Variants in PLOD2 observed in about 807,000 individuals in gnomAD.
The protein encoded by PLOD2 is procollagen-lysine,2-oxoglutarate 5-dioxygenase 2, also known as lysine hydroxylase 2.
Under a neutral mutation model 101.0 loss-of-function variants are expected in PLOD2, and 65 were observed. That is an observed-to-expected ratio of 0.64 (90% CI 0.53 to 0.79). PLOD2 has a LOEUF of 0.79. Ranked by LOEUF, PLOD2 falls within the 30% of genes least tolerant of loss-of-function variation. The pLI is 0.00. For synonymous variants in PLOD2, 314 were observed against 302.9 expected, an observed-to-expected ratio of 1.04 and a Z score of -0.38; for missense variants, 909 against 914.6, an observed-to-expected ratio of 0.99 and a Z score of 0.08.
chr3:146,081,840 G>A lies in PLOD2; in HGVS notation c.1256C>T (p.Thr419Ile). ...QNRKIIAPLV[T>I]RHGKLWSNFW... ...ATTGGACCACAGCTTTCCATGACGAGTTACAAGAGGAGCAATGATCTTTCT... is the reference window on the plus strand; with the variant it reads ...ATTGGACCACAGCTTTCCATGACGAATTACAAGAGGAGCAATGATCTTTCT... The change falls in exon 12 of 20, where the codon ACT (threonine) becomes ATT (isoleucine). Residue 419 changes from threonine (T) to isoleucine (I), a missense_variant. Coordinates refer to ENST00000282903, the MANE Select transcript of PLOD2 (RefSeq NM_182943.3). 1 of 1,612,454 alleles carries A rather than the reference G, an allele frequency of 6.2e-7. No individual in the cohort carries two copies. The highest frequency in any genetic ancestry group is 2.2e-5 in the East Asian group (1 of 44,762).
chr3:146,075,167 T>G (rs1936285942), intron 15 of PLOD2, among the ~76,000 whole-genome samples: 1 of 151,580 alleles, frequency 6.6e-6, no homozygotes, highest in Non-Finnish European at 1.5e-5. Context: ...GGAAGGTATG[T>G]GGTTAAAATG....
In PLOD2 at chr3:146,102,825, C is replaced by T. The variant is rs1470409644; in HGVS notation, c.707G>A (p.Gly236Asp). The T allele has an allele frequency of 6.2e-7, 1 of 1,602,350 alleles. No homozygotes were observed. Among genetic ancestry groups the T allele is most frequent in the South Asian group, 1.1e-5 (1 of 90,838 alleles). ...VDEVVLKFENGKARAKNTFYE... is the reference protein window; with the variant it reads ...VDEVVLKFENDKARAKNTFYE... Reference sequence around the variant, plus strand: ...AAATGTATTCTTAGCTCTGGCTTTGCCATTTTCAAATTTTAAAACAACTTC... The same window carrying T: ...AAATGTATTCTTAGCTCTGGCTTTGTCATTTTCAAATTTTAAAACAACTTC... Residue 236 changes from glycine (G) to aspartate (D), a missense_variant, in exon 7 of 20, where the codon GGC (glycine) becomes GAC (aspartate). Transcript: ENST00000282903.
intron 3 of PLOD2, among the ~76,000 whole-genome samples, chr3:146,114,380 C>T (rs998114540): frequency 3.9e-5 from 6 of 151,966 alleles, no homozygotes; most frequent in Admixed American, 1.3e-4. Flanking sequence ...CTTATAGCAG[C>T]GTGAAAATGG....
chr3:146,083,424 A>G (rs549774038), intron 11 of PLOD2, among the ~76,000 whole-genome samples: 24 of 152,314 alleles, frequency 1.6e-4, no homozygotes, highest in African/African-American at 5.8e-4. Context: ...ATATGTCAAT[A>G]GACTATAGAA....
At chr3:146,155,455 G>T (rs2032258668) in intron 1 of PLOD2, among the ~76,000 whole-genome samples, 1 of 151,968 alleles carries the variant, frequency 6.6e-6, no homozygotes, top group South Asian at 2.1e-4. Flanking sequence ...GCTCACACCT[G>T]CAATCCCAGC....
chr3:146,120,289 T>A (rs1359185685), intron 3 of PLOD2, among the ~76,000 whole-genome samples: 1 of 152,194 alleles, frequency 6.6e-6, no homozygotes, highest in East Asian at 1.9e-4. Context: ...TTGATGGCCC[T>A]ATTTGTTTTT....
At chr3:146,072,264 C>T (rs1196400206) in intron 17 of PLOD2, among the ~76,000 whole-genome samples, 1 of 110,934 alleles carries the variant, frequency 9.0e-6, no homozygotes, top group Non-Finnish European at 2.0e-5. Flanking sequence ...AGTGACATCA[C>T]TCTGTAAAGA....
chr3:146,117,230 A>G (rs1036051402), intron 3 of PLOD2, among the ~76,000 whole-genome samples: 3 of 152,182 alleles, frequency 2.0e-5, no homozygotes, highest in South Asian at 2.1e-4. Context: ...TGCTTCCATA[A>G]AACAGTTGAG....
intron 8 of PLOD2, among the ~76,000 whole-genome samples, chr3:146,089,478 T>A (rs983302890): frequency 6.6e-6 from 1 of 151,608 alleles, no homozygotes; most frequent in Non-Finnish European, 1.5e-5. Flanking sequence ...AACAGTGTCA[T>A]GACCAGAAAT....
chr3:146,098,691 C>T (rs978883395), intron 7 of PLOD2, among the ~76,000 whole-genome samples: 3 of 152,044 alleles, frequency 2.0e-5, no homozygotes, highest in Non-Finnish European at 2.9e-5. Flanking sequence ...GTATCATCAA[C>T]ATACTATAAT....
At chr3:146,092,660 T>A (rs1212041944) in intron 7 of PLOD2, among the ~76,000 whole-genome samples, 3 of 151,992 alleles carry the variant, frequency 2.0e-5, no homozygotes, top group Admixed American at 1.3e-4. Context: ...TCATTTTAAC[T>A]GTAAAAAAAA....
At chr3:146,116,962 T>C (rs1937941453) in intron 3 of PLOD2, among the ~76,000 whole-genome samples, 1 of 152,144 alleles carries the variant, frequency 6.6e-6, no homozygotes, top group South Asian at 2.1e-4. Context: ...GACAAAATTG[T>C]TTCTAAATTA....
At chr3:146,137,464 G>T (rs2031296573) in intron 1 of PLOD2, among the ~76,000 whole-genome samples, 2 of 152,098 alleles carry the variant, frequency 1.3e-5, no homozygotes, top group Non-Finnish European at 2.9e-5. Context: ...GGTCAGGCTG[G>T]TCTATAACTC....
chr3:146,147,911 T>C (rs2031861267), intron 1 of PLOD2, among the ~76,000 whole-genome samples: 1 of 152,172 alleles, frequency 6.6e-6, no homozygotes, highest in Non-Finnish European at 1.5e-5. Context: ...GTTGTTGCCA[T>C]ACGGGAAGGA....
Position 146,079,162 on chromosome 3 carries a change from T to C in PLOD2, c.1454A>G (p.Asp485Gly), listed in dbSNP as rs748906552. 1 of 1,612,908 alleles carries C rather than the reference T, an allele frequency of 6.2e-7. No individual in the cohort carries two copies. Among genetic ancestry groups the C allele is most frequent in the Non-Finnish European group, 8.5e-7 (1 of 1,179,022 alleles). The change falls in exon 13 of 20, where the codon GAT (aspartate) becomes GGT (glycine). Residue 485 changes from aspartate to glycine, a missense_variant. By Grantham distance (94) the Asp-to-Gly change is moderately conservative. Coordinates refer to ENST00000282903, the MANE Select transcript of PLOD2 (RefSeq NM_182943.3). ...AAGAGCCATATCAGGATCCAGTTTATCACGAACAAAATAGTTCCTTTCATT... is the reference window on the plus strand; with the variant it reads ...AAGAGCCATATCAGGATCCAGTTTACCACGAACAAAATAGTTCCTTTCATT... Reference protein sequence around the residue: ...EMNERNYFVRDKLDPDMALCR... With the variant: ...EMNERNYFVRGKLDPDMALCR...
intron 1 of PLOD2, among the ~76,000 whole-genome samples, chr3:146,150,720 C>T (rs1174361692): frequency 1.4e-5 from 2 of 140,682 alleles, no homozygotes; most frequent in Non-Finnish European, 3.2e-5. Context: ...TACCCCTGAA[C>T]CCTAAATAAA....
chr3:146,086,725 AT>A, intron 10 of PLOD2, 61 bp downstream of exon 10: 2 of 1,198,932 alleles, frequency 1.7e-6, no homozygotes, highest in South Asian at 3.3e-5. Context: ...TTAAAAGTTT[AT>A]TTTTTCTTAA....
At position 146,159,054 on chromosome 3, in the gene PLOD2, A is replaced by AT; in HGVS notation, c.109+1826dup. Reference sequence around the variant, plus strand: ...ACTTTATCAAGCAGTTTACCTCTACATTTATTAGTTTATCACATAACCTAT... The same window carrying AT: ...ACTTTATCAAGCAGTTTACCTCTACATTTTATTAGTTTATCACATAACCTAT... On this transcript the variant is annotated intron_variant, in intron 1 of 19. Transcript: ENST00000282903. Among the ~76,000 whole-genome samples, 2 of 152,324 alleles carry AT rather than the reference A, an allele frequency of 1.3e-5. 1 individual carries two copies. The highest frequency in any genetic ancestry group is 4.1e-4 in the South Asian group (2 of 4,822).
intron 4 of PLOD2, 27 bp downstream of exon 4, chr3:146,110,258 A>G (rs1937604073): frequency 6.2e-7 from 1 of 1,604,026 alleles, no homozygotes; most frequent in Non-Finnish European, 8.5e-7. Flanking sequence ...AACTTGCATT[A>G]AACTTTTCTT....
Sources: allele counts gnomAD v4.1 joint callset (sites outside exome capture counted in the v4.1 genomes callset), GRCh38; gene constraint gnomAD v4.1.1; transcripts MANE v1.5; gene names NCBI Gene and HGNC (gene_info 2026-07-23, HGNC 2026-07-21).